RASSF3: variants seen among roughly 807,000 people sequenced by gnomAD.
RASSF3 encodes ras association domain-containing protein 3.
Under a neutral mutation model 19.9 loss-of-function variants are expected in RASSF3, and 19 were observed. The ratio of observed to expected loss-of-function variants is 0.96; its 90% CI spans 0.67 to 1.40. The LOEUF (loss-of-function observed/expected upper bound fraction) is 1.40. Among genes scored for constraint, RASSF3 ranks in the 40% most tolerant of loss-of-function variants. The pLI is 0.00. For missense variants in RASSF3, 306 were observed against 289.8 expected, an observed-to-expected ratio of 1.06 and a Z score of -0.41; for synonymous variants, 110 against 104.2, an observed-to-expected ratio of 1.06 and a Z score of -0.34.
chr12:64,665,754 G>C (rs1226108643), intron 1 of RASSF3, among the ~76,000 whole-genome samples: 6 of 152,176 alleles, frequency 3.9e-5, no homozygotes. Context: ...TGCTGTTATG[G>C]AGCAGTCACA....
At chr12:64,541,603 T>G (rs964467397) in exon 2 of RASSF3, 25 of 398,510 alleles carry the variant, frequency 6.3e-5, no homozygotes, top group Admixed American at 1.3e-4. Context: ...TATGTCATGC[T>G]CACTGCCGAG....
intron 1 of RASSF3, among the ~76,000 whole-genome samples, chr12:64,672,074 G>C (rs541515856): frequency 1.8e-4 from 28 of 152,062 alleles, no homozygotes; most frequent in Non-Finnish European, 8.8e-5. Context: ...TTTAACTTTT[G>C]TGGGTACGTA....
At chr12:64,545,718 A>G (rs962739119), downstream of RASSF3, among the ~76,000 whole-genome samples, 1 of 152,178 alleles carries the variant, frequency 6.6e-6, no homozygotes, top group East Asian at 1.9e-4. Flanking sequence ...ACTGGAGCCC[A>G]GGAGTTCGAG....
At chr12:64,641,543 C>T (rs903188982) in intron 1 of RASSF3, among the ~76,000 whole-genome samples, 1 of 151,206 alleles carries the variant, frequency 6.6e-6, no homozygotes. Context: ...TGCCTGTAAT[C>T]CCAGCACTTT....
chr12:64,571,378 A>T (rs893585240), intron 2 of RASSF3, among the ~76,000 whole-genome samples: 2 of 152,150 alleles, frequency 1.3e-5, no homozygotes, highest in African/African-American at 4.8e-5. Context: ...TCAGAGAATC[A>T]TGAGGCTACC....
intron 1 of RASSF3, among the ~76,000 whole-genome samples, chr12:64,676,467 CTTTTTTTTTTTT>C (rs34917109): frequency 5.3e-4 from 37 of 69,784 alleles, no homozygotes; most frequent in African/African-American, 2.1e-3. Context: ...CTGTGCCCAG[CTTTTTTTTTTTT>C]TTTTTTTTTT....
intron 2 of RASSF3, among the ~76,000 whole-genome samples, chr12:64,568,043 T>G (rs71467188): frequency 6.6e-6 from 1 of 152,164 alleles, no homozygotes; most frequent in South Asian, 2.1e-4. Flanking sequence ...TTGTTTTTTG[T>G]TTTTTTGAGA....
In RASSF3 at chr12:64,695,204, TG is replaced by T; in HGVS notation, c.*293del. 1 of 302,742 alleles carries T rather than the reference TG, an allele frequency of 3.3e-6. No individual in the cohort carries two copies. The allele number at this position is 302,742 out of a possible 1,614,324, so 18.8% of individuals were successfully genotyped here. ...TGCTTGGAAGCATGAACTCTGGGGGTGTTTTTTTTTTTGGTTATTTTAATTA... is the reference window on the plus strand; with the variant it reads ...TGCTTGGAAGCATGAACTCTGGGGGTTTTTTTTTTTTGGTTATTTTAATTA... On this transcript the variant is annotated 3_prime_UTR_variant, in exon 5 of 5. Transcript: ENST00000542104.
intron 1 of RASSF3, among the ~76,000 whole-genome samples, chr12:64,645,921 T>C (rs2136187037): frequency 6.6e-6 from 1 of 152,302 alleles, no homozygotes; most frequent in African/African-American, 2.4e-5. Context: ...CTAGAACCAC[T>C]AGTCTGACTT....
chr12:64,552,164 C>T lies in RASSF3; in HGVS notation c.294+10459C>T, dbSNP rs898477913. On this transcript the variant is annotated intron_variant, in intron 2 of 5. Transcript: ENST00000637125. ...TTTTTAAAGGACATGGGAAAATTTA[C>T]TTTGGGGAGCCAGGGCGCTTGGCTA... 3.3e-5 allele frequency among the ~76,000 whole-genome samples: 5 copies of T among 152,022 alleles called. No individual in the cohort carries two copies. The East Asian group carries it at 7.7e-4, about 24-fold the overall frequency.
Position 64,641,419 on chromosome 12 carries a change from C to CACACACACACACACACACACAT in RASSF3, c.111+30676_111+30677insACACACACACACACACACACAT, listed in dbSNP as rs769330728. Among the ~76,000 whole-genome samples, 186 of 150,770 alleles carry CACACACACACACACACACACAT rather than the reference C, an allele frequency of 1.2e-3. 1 individual carries two copies. Among genetic ancestry groups the CACACACACACACACACACACAT allele is most frequent in the Middle Eastern group, 3.4e-3 (1 of 292 alleles). On this transcript the variant is annotated intron_variant, in intron 1 of 4. Coordinates refer to ENST00000542104, the MANE Select transcript of RASSF3 (RefSeq NM_178169.4). ...TCACAGGCGCACACACACACACGCG[C>CACACACACACACACACACACAT]GCGCGCGCGTTGAAAACAAATGAGA...
chr12:64,537,124 C>A (rs1868844368), intron 1 of RASSF3, among the ~76,000 whole-genome samples: 1 of 152,182 alleles, frequency 6.6e-6, no homozygotes, highest in African/African-American at 2.4e-5. Context: ...TTGCCTATTT[C>A]TCCCCCTATC....
Position 64,695,205 on chromosome 12 carries a change from G to GT in RASSF3, c.*304dup, listed in dbSNP as rs796649151. On this transcript the variant is annotated 3_prime_UTR_variant, in exon 5 of 5. Transcript: ENST00000542104. ...GCTTGGAAGCATGAACTCTGGGGGT[G>GT]TTTTTTTTTTTGGTTATTTTAATTA... 9,229 of 235,064 alleles carry GT rather than the reference G, an allele frequency of 0.039. 109 individuals are homozygous for GT. Among genetic ancestry groups the GT allele is most frequent in the African/African-American group, 0.071 (3,037 of 42,806 alleles). The allele number at this position is 235,064 out of a possible 1,614,324, so 14.6% of individuals were successfully genotyped here. A position where few individuals can be genotyped will look rare whatever the true frequency, so the allele number is the denominator to read the frequency against.
At chr12:64,681,626 A>G (rs1873130710) in intron 1 of RASSF3, among the ~76,000 whole-genome samples, 1 of 152,226 alleles carries the variant, frequency 6.6e-6, no homozygotes, top group African/African-American at 2.4e-5. Context: ...TGTACAAGCC[A>G]AGACTACCTC....
chr12:64,647,547 A>G (rs1871782610), intron 1 of RASSF3, among the ~76,000 whole-genome samples: 1 of 151,628 alleles, frequency 6.6e-6, no homozygotes, highest in Admixed American at 6.6e-5. Flanking sequence ...AGTAGCTGGG[A>G]TTACAGGCAT....
intron 2 of RASSF3, among the ~76,000 whole-genome samples, chr12:64,595,025 C>T (rs1046212294): frequency 6.8e-6 from 1 of 147,806 alleles, no homozygotes; most frequent in Non-Finnish European, 1.5e-5. Flanking sequence ...TACACACAAA[C>T]ACAACTCTTA....
intron 2 of RASSF3, among the ~76,000 whole-genome samples, chr12:64,603,113 A>G (rs1372032948): frequency 6.6e-6 from 1 of 152,086 alleles, no homozygotes; most frequent in Non-Finnish European, 1.5e-5. Flanking sequence ...AAAAAGAAAA[A>G]AAAAGAGTTG....
At chr12:64,677,820 C>T (rs1872963233) in intron 1 of RASSF3, among the ~76,000 whole-genome samples, 2 of 152,184 alleles carry the variant, frequency 1.3e-5, no homozygotes, top group Non-Finnish European at 2.9e-5. Flanking sequence ...CTTCTGAGAA[C>T]AGTATTTTTC....
At chr12:64,655,113 A>G (rs1435385858) in intron 1 of RASSF3, 2 of 152,358 alleles carry the variant, frequency 1.3e-5, no homozygotes, top group South Asian at 4.1e-4. Context: ...GAGGAAGTAC[A>G]GGTTTTCCTC....
Sources: gnomAD v4.1 joint callset for allele counts (sites outside exome capture counted in the v4.1 genomes callset) on GRCh38, gnomAD v4.1.1 for gene constraint, MANE v1.5 for transcripts, NCBI Gene and HGNC (gene_info 2026-07-23, HGNC 2026-07-21) for gene names.